The following CPQ variants were observed in gnomAD, a reference collection of about 807,000 sequenced individuals.
CPQ encodes the protein Ser-Met dipeptidase.
In CPQ, 37 loss-of-function variants were observed where a neutral mutation model predicts 45.7. That is an observed-to-expected ratio of 0.81 (90% CI 0.62 to 1.07). CPQ has a LOEUF of 1.07. Ranked by LOEUF, CPQ falls within the 50% of genes least tolerant of loss-of-function variation. The probability of loss-of-function intolerance (pLI) is 0.00; values close to 1 mark genes in which losing one functional copy is unlikely to be tolerated. For synonymous variants in CPQ, 186 were observed against 205.8 expected, an observed-to-expected ratio of 0.90 and a Z score of 0.82; for missense variants, 537 against 572.9, an observed-to-expected ratio of 0.94 and a Z score of 0.64.
chr8:97,090,441 G>A (rs1021067535), intron 7 of CPQ, among the ~76,000 whole-genome samples: 3 of 152,136 alleles, frequency 2.0e-5, no homozygotes, highest in Non-Finnish European at 4.4e-5. Flanking sequence ...CATTTTAGAT[G>A]ATAGCTTGTA....
intron 7 of CPQ, among the ~76,000 whole-genome samples, chr8:97,130,281 C>T (rs966852521): frequency 2.0e-5 from 3 of 152,128 alleles, no homozygotes; most frequent in Non-Finnish European, 2.9e-5. Flanking sequence ...TTTATAAACT[C>T]GTCCCTGGCA....
intron 5 of CPQ, among the ~76,000 whole-genome samples, chr8:97,010,949 T>A (rs112717128): frequency 6.6e-6 from 1 of 152,178 alleles, no homozygotes; most frequent in Non-Finnish European, 1.5e-5. Context: ...AAAAGCCCCA[T>A]GATTTTTCTG....
intron 4 of CPQ, among the ~76,000 whole-genome samples, chr8:96,895,349 T>C (rs1812430476): frequency 6.6e-6 from 1 of 152,212 alleles, no homozygotes; most frequent in Non-Finnish European, 1.5e-5. Context: ...ATGAGTATCT[T>C]TATAAAGTTA....
At chr8:96,720,579 G>A (rs1243641804) in intron 1 of CPQ, among the ~76,000 whole-genome samples, 3 of 152,142 alleles carry the variant, frequency 2.0e-5, no homozygotes, top group Non-Finnish European at 4.4e-5. Flanking sequence ...TGAAGATCTT[G>A]TCAAGACTTA....
chr8:96,907,473 A>G (rs906621441), intron 4 of CPQ, among the ~76,000 whole-genome samples: 4 of 152,218 alleles, frequency 2.6e-5, no homozygotes, highest in African/African-American at 7.2e-5. Flanking sequence ...GCCTATCAAA[A>G]TAGCCATACC....
chr8:97,092,388 G>A (rs1296559042), intron 7 of CPQ: 1 of 152,094 alleles, frequency 6.6e-6, no homozygotes, highest in Non-Finnish European at 1.5e-5. Context: ...ACCCAGTAGA[G>A]AAGGATCCTT....
chr8:96,816,744 GT>G (rs1333917059), intron 2 of CPQ, among the ~76,000 whole-genome samples: 7 of 152,112 alleles, frequency 4.6e-5, no homozygotes, highest in African/African-American at 1.7e-4. Flanking sequence ...TAATTTTCTT[GT>G]ATATCTTCAT....
At chr8:96,654,805 G>A (rs527965486) in intron 1 of CPQ, among the ~76,000 whole-genome samples, 3 of 152,194 alleles carry the variant, frequency 2.0e-5, no homozygotes, top group Non-Finnish European at 4.4e-5. Flanking sequence ...TTGGAGGTTA[G>A]CAGCTTTATA....
rs536215782 is a variant in CPQ at position 96,703,343 on chromosome 8, T to C, written c.-35+57941T>C. Among the ~76,000 whole-genome samples the C allele has an allele frequency of 3.3e-5, 5 of 152,344 alleles. No individual in the cohort carries two copies. In the South Asian group the frequency reaches 1.0e-3, roughly 32 times the overall value. On this transcript the variant is annotated intron_variant, in intron 1 of 7. Coordinates refer to ENST00000220763, the MANE Select transcript of CPQ (RefSeq NM_016134.4). ...CTAAGAAATACCACTATATATGTTT[T>C]GTTTCTTCAGTTCATAAAATCTCAT...
At chr8:96,675,617 A>G (rs1809067833) in intron 1 of CPQ, among the ~76,000 whole-genome samples, 1 of 152,104 alleles carries the variant, frequency 6.6e-6, no homozygotes, top group South Asian at 2.1e-4. Flanking sequence ...ATATGCATGT[A>G]TGTAGACTCT....
chr8:96,908,744 T>TGCGCGC (rs561164802), intron 4 of CPQ, among the ~76,000 whole-genome samples: 4 of 70,468 alleles, frequency 5.7e-5, no homozygotes, highest in African/African-American at 2.2e-4. Flanking sequence ...TTTATACACA[T>TGCGCGC]GCGCACACAC....
At chr8:96,914,934 ATTAC>A (rs1428065985) in intron 4 of CPQ, among the ~76,000 whole-genome samples, 1 of 152,172 alleles carries the variant, frequency 6.6e-6, no homozygotes. Context: ...AATGGGAAAA[ATTAC>A]TTACTGCAGC....
At chr8:96,963,121 A>G (rs1586469382) in intron 4 of CPQ, among the ~76,000 whole-genome samples, 1 of 152,252 alleles carries the variant, frequency 6.6e-6, no homozygotes, top group Non-Finnish European at 1.5e-5. Flanking sequence ...AAACAACTTC[A>G]ATTTTTCTGA....
chr8:97,032,868 T>C (rs1404988790), intron 6 of CPQ, among the ~76,000 whole-genome samples: 1 of 152,258 alleles, frequency 6.6e-6, no homozygotes, highest in African/African-American at 2.4e-5. Flanking sequence ...TTAAATAATG[T>C]ACTAAAAGTA....
chr8:96,937,411 G>A (rs1813066378), intron 4 of CPQ, among the ~76,000 whole-genome samples: 2 of 152,100 alleles, frequency 1.3e-5, no homozygotes, highest in African/African-American at 2.4e-5. Flanking sequence ...CCCAGCTTCA[G>A]GTGCTCAGAT....
In CPQ at chr8:96,785,231, C is replaced by G. The variant is rs983351964; in HGVS notation, c.334C>G (p.His112Asp). The change falls in exon 2 of 8, where the codon CAC (histidine) becomes GAC (aspartate). Residue 112 changes from histidine to aspartate, a missense_variant. Coordinates refer to ENST00000220763, the MANE Select transcript of CPQ (RefSeq NM_016134.4). ...KVHLEPVRIPHWERGEESAVM... is the reference protein window; with the variant it reads ...KVHLEPVRIPDWERGEESAVM... The stretch of plus-strand genomic sequence containing the variant: ...TCACCTGGAGCCAGTGAGAATACCC[C>G]ACTGGGAGAGGGGAGAAGAATCAGC... The G allele has an allele frequency of 2.5e-6, 4 of 1,613,466 alleles. No homozygotes were observed. The highest frequency in any genetic ancestry group is 1.3e-5 in the African/African-American group (1 of 74,882).
At chr8:96,891,117 C>T (rs897002980) in intron 4 of CPQ, among the ~76,000 whole-genome samples, 1 of 152,232 alleles carries the variant, frequency 6.6e-6, no homozygotes, top group Admixed American at 6.5e-5. Context: ...CATGAGCATG[C>T]ACACATTGCC....
intron 6 of CPQ, among the ~76,000 whole-genome samples, chr8:97,038,799 G>T (rs1285552423): frequency 7.6e-6 from 1 of 131,446 alleles, no homozygotes; most frequent in African/African-American, 2.8e-5. Flanking sequence ...AATGAGTATG[G>T]CTGTATTCCA....
At chr8:97,035,391 A>G (rs1478611166) in intron 6 of CPQ, among the ~76,000 whole-genome samples, 1 of 152,168 alleles carries the variant, frequency 6.6e-6, no homozygotes, top group East Asian at 1.9e-4. Flanking sequence ...TTCTGGGAGT[A>G]TAATTGCTGG....
Sources: gnomAD v4.1 joint callset for allele counts (sites outside exome capture counted in the v4.1 genomes callset) on GRCh38, gnomAD v4.1.1 for gene constraint, MANE v1.5 for transcripts, NCBI Gene and HGNC (gene_info 2026-07-23, HGNC 2026-07-21) for gene names.